The following RYR1 variants were observed in gnomAD, a reference collection of about 807,000 sequenced individuals.
RYR1 encodes ryanodine receptor 1.
Under a neutral mutation model 583.5 loss-of-function variants are expected in RYR1, and 342 were observed. That is an observed-to-expected ratio of 0.59 (90% CI 0.54 to 0.64). The LOEUF (loss-of-function observed/expected upper bound fraction) is 0.64. Ranked by LOEUF, RYR1 falls within the 30% of genes least tolerant of loss-of-function variation. The pLI is 0.00. For missense variants in RYR1, 6,032 were observed against 6,917.2 expected (o/e 0.87, Z 4.54); for synonymous variants, 2,791 against 2,822.5 (o/e 0.99, Z 0.35).
chr19:38,465,973 A>G (rs1311417648), intron 23 of RYR1, 118 bp from the exon 24 acceptor site: 7 of 962,492 alleles, frequency 7.3e-6, no homozygotes, highest in Non-Finnish European at 9.6e-6. Flanking sequence ...GCAACATTAT[A>G]TCAAAGGTCA....
rs370495390 is a variant in RYR1, at chr19:38,494,852, C to A, written c.6548+227C>A. Among the ~76,000 whole-genome samples the A allele has an allele frequency of 3.5e-5, 5 of 142,190 alleles. No individual in the cohort carries two copies. In the East Asian group the frequency reaches 6.0e-4, roughly 17 times the overall value. 93.3% of individuals were successfully genotyped at this position (142,190 alleles called of 152,430 possible). A position where few individuals can be genotyped will look rare whatever the true frequency, so the allele number is the denominator to read the frequency against. On this transcript the variant is annotated intron_variant, in intron 39 of 105. Transcript: ENST00000359596. ...CTCAGCAGGACATTCCCCACCCCCC[C>A]CTTTTTTTTTTTTTTTGTGAGACTG...
rs772280687 is a variant in RYR1, at chr19:38,523,030, C to T, written c.10262C>T (p.Ala3421Val). Residue 3421 changes from alanine to valine, a missense_variant and splice_region_variant, in exon 68 of 106, where the codon GCG (alanine) becomes GTG (valine). Around this residue, in one of 11 missense-constraint regions of RYR1, gnomAD observed 1,493 missense variants for 1,715.5 expected, o/e 0.87. Coordinates refer to ENST00000359596, the MANE Select transcript of RYR1 (RefSeq NM_000540.3). ...CACCTCCCCTCCGCTGACCCCAGGG[C>T]GCAGTGGCTGACGGAGCCGAATCCC... Reference protein sequence around the residue: ...LLIRYVDNNRAQWLTEPNPSA... With the variant: ...LLIRYVDNNRVQWLTEPNPSA... 1.6e-5 allele frequency: 25 copies of T among 1,593,796 alleles called. No homozygotes were observed. The highest frequency in any genetic ancestry group is 3.4e-5 in the South Asian group (3 of 88,922).
At chr19:38,458,618 G>GAT (rs1967556453) in intron 18 of RYR1, among the ~76,000 whole-genome samples, 1 of 149,140 alleles carries the variant, frequency 6.7e-6, no homozygotes, top group African/African-American at 2.5e-5. Context: ...TATTTTGTTT[G>GAT]TTTGTTTGTT....
At chr19:38,439,727 C>G (rs897169434) in intron 1 of RYR1, among the ~76,000 whole-genome samples, 1 of 151,914 alleles carries the variant, frequency 6.6e-6, no homozygotes, top group Non-Finnish European at 1.5e-5. Context: ...AGGCTGGTCT[C>G]GAACTCCTGA....
At chr19:38,534,634 C>T in intron 78 of RYR1, 86 bp from the exon 79 acceptor site, 1 of 1,158,824 alleles carries the variant, frequency 8.6e-7, no homozygotes, top group South Asian at 1.3e-5. Flanking sequence ...GTGGCTGGAA[C>T]AGGGAGGGCA....
At position 38,494,545 on chromosome 19, in the gene RYR1, C is replaced by A. The variant is rs139714680; in HGVS notation, c.6468C>A (p.Leu2156=). 6.2e-7 allele frequency: 1 copy of A among 1,614,048 alleles called. No homozygotes were observed. The highest frequency in any genetic ancestry group is 2.2e-5 in the East Asian group (1 of 44,888). Residue 2156 remains leucine (L), a synonymous_variant, in exon 39 of 106, where the codon CTC becomes CTA. Coordinates refer to ENST00000359596, the MANE Select transcript of RYR1 (RefSeq NM_000540.3). ...PSSVEDTMSL[L]ECLGQIRSLL... is the part of the protein sequence containing the mutation. ...CCGTGGAAGACACCATGAGCCTGCT[C>A]GAGTGCCTCGGCCAGATCCGCTCGC...
intron 78 of RYR1, among the ~76,000 whole-genome samples, chr19:38,533,437 A>C (rs1971829169): frequency 6.6e-6 from 1 of 152,218 alleles, no homozygotes; most frequent in Non-Finnish European, 1.5e-5. Flanking sequence ...TTGAATAGCT[A>C]TCAAAATATT....
chr19:38,526,470 T>C (rs1971469555), intron 71 of RYR1, among the ~76,000 whole-genome samples: 1 of 151,034 alleles, frequency 6.6e-6, no homozygotes, highest in Non-Finnish European at 1.5e-5. Context: ...GACTGCTGAG[T>C]CCTGCCAGGA....
At chr19:38,542,221 T>C (rs907538120) in intron 84 of RYR1, among the ~76,000 whole-genome samples, 1 of 152,120 alleles carries the variant, frequency 6.6e-6, no homozygotes, top group Admixed American at 6.5e-5. Context: ...CGTGAGGATG[T>C]AGTATACACT....
chr19:38,510,358 T>C, intron 58 of RYR1, 140 bp from the exon 59 acceptor site: 1 of 842,610 alleles, frequency 1.2e-6, no homozygotes, highest in Admixed American at 2.1e-5. Flanking sequence ...AAGGTTTATC[T>C]CAAAGCCAAC....
chr19:38,458,211 G>A lies in RYR1; in HGVS notation c.2086G>A (p.Gly696Arg). Residue 696 changes from glycine to arginine, a missense_variant, in exon 18 of 106, where the codon GGG (glycine) becomes AGG (arginine). By Grantham distance (125) the Gly-to-Arg change is moderately radical. Transcript: ENST00000359596. Reference protein sequence around the residue: ...ALTEGYTPYPGAGEGWGGNGV... With the variant: ...ALTEGYTPYPRAGEGWGGNGV... The stretch of plus-strand genomic sequence containing the variant: ...CACCGAGGGCTACACCCCCTACCCT[G>A]GGGCCGGCGAGGGCTGGGGCGGCAA... The A allele has an allele frequency of 6.2e-7, 1 of 1,613,956 alleles. No homozygotes were observed. The highest frequency in any genetic ancestry group is 8.5e-7 in the Non-Finnish European group (1 of 1,180,022).
At position 38,475,324 on chromosome 19, in the gene RYR1, AT is replaced by A; in HGVS notation, c.4169del (p.Phe1390SerfsTer8). ...CCTCTCCTCCCACTACCAGCTTCTT[AT>A]TCAAGGCCAAGAAGGTCGCCATGAT... is the stretch of plus-strand genomic sequence containing the variant. ...TEKNKKRGFLFKAKKVAMMTQ... is the reference protein window; with the variant it reads ...TEKNKKRGFLXKAKKVAMMTQ... On this transcript the variant is annotated frameshift_variant, in exon 29 of 106. Coordinates refer to ENST00000359596, the MANE Select transcript of RYR1 (RefSeq NM_000540.3). LOFTEE classifies it high-confidence loss of function. The A allele has an allele frequency of 6.3e-7, 1 of 1,588,690 alleles. No homozygotes were observed. Among genetic ancestry groups the A allele is most frequent in the Non-Finnish European group, 8.6e-7 (1 of 1,167,434 alleles).
rs200069592 is a variant in RYR1 at position 38,460,380 on chromosome 19, G to A, written c.2366G>A (p.Arg789Gln). ...VVSFSAGVKV[R>Q]FLLGGRHGEF... ...CATTGTCCTTCCTTACCCAGGGTGCGGTTCCTCCTTGGTGGCCGCCATGGT... is the reference window on the plus strand; with the variant it reads ...CATTGTCCTTCCTTACCCAGGGTGCAGTTCCTCCTTGGTGGCCGCCATGGT... The change falls in exon 20 of 106, where the codon CGG (arginine) becomes CAG (glutamine). Residue 789 changes from arginine to glutamine, a missense_variant. By Grantham distance (43) the Arg-to-Gln change is conservative. Transcript: ENST00000359596. 184 of 1,614,052 alleles carry A rather than the reference G, an allele frequency of 1.1e-4. No individual in the cohort carries two copies. In the Admixed American group the frequency reaches 2.3e-3, roughly 21 times the overall value.
At chr19:38,550,121 A>G (rs1972604430) in intron 89 of RYR1, among the ~76,000 whole-genome samples, 1 of 152,070 alleles carries the variant, frequency 6.6e-6, no homozygotes, top group African/African-American at 2.4e-5. Context: ...CTCCTACCTA[A>G]GCACAGGACA....
chr19:38,435,506 C>A (rs974412316), intron 1 of RYR1, among the ~76,000 whole-genome samples: 1 of 152,072 alleles, frequency 6.6e-6, no homozygotes, highest in Non-Finnish European at 1.5e-5. Context: ...CCAAGGTGAG[C>A]GGATCACTTG....
At chr19:38,534,971 C>A in intron 79 of RYR1, 152 bp downstream of exon 79, 1 of 1,086,388 alleles carries the variant, frequency 9.2e-7, no homozygotes, top group South Asian at 1.4e-5. Flanking sequence ...CCTTGTATAC[C>A]TGCCTTGCAA....
intron 93 of RYR1, 39 bp downstream of exon 93, chr19:38,567,956 C>A: frequency 6.2e-7 from 1 of 1,609,238 alleles, no homozygotes; most frequent in East Asian, 2.2e-5. Context: ...TTCTTCTCCC[C>A]GGGAGCCCCA....
At chr19:38,564,731 G>T (rs890041411) in intron 90 of RYR1, among the ~76,000 whole-genome samples, 4 of 152,130 alleles carry the variant, frequency 2.6e-5, no homozygotes, top group East Asian at 1.9e-4. Flanking sequence ...GGCCAGGCTG[G>T]TCTCGAACTC....
intron 76 of RYR1, among the ~76,000 whole-genome samples, chr19:38,530,987 C>CTTTTTTTTTTTTTTTTTTTTT (rs59244176): frequency 1.9e-4 from 25 of 129,374 alleles, no homozygotes; most frequent in Non-Finnish European, 2.4e-4. Context: ...TTTTCTTTCT[C>CTTTTTTTTTTTTTTTTTTTTT]TTTTTTTTTT....
Sources: gnomAD v4.1 joint callset for allele counts (sites outside exome capture counted in the v4.1 genomes callset) on GRCh38, gnomAD v4.1.1 for gene constraint, gnomAD v4.1.1 regional missense constraint, MANE v1.5 for transcripts, NCBI Gene and HGNC (gene_info 2026-07-23, HGNC 2026-07-21) for gene names.